Variants in FBXO47 observed in about 807,000 individuals in gnomAD.
FBXO47 encodes the protein F-box protein 47.
Under a neutral mutation model 53.9 loss-of-function variants are expected in FBXO47, and 34 were observed. The observed-to-expected ratio is 0.63, with a 90% CI of 0.48 to 0.84. FBXO47 has a LOEUF of 0.84. Among genes scored for constraint, FBXO47 ranks in the 40% least tolerant of loss-of-function variants. The pLI, the probability that FBXO47 is intolerant of heterozygous loss-of-function variation, is 0.00. For synonymous variants in FBXO47, 165 were observed against 181.6 expected (o/e 0.91, Z 0.73); for missense variants, 485 against 541.3 (o/e 0.90, Z 1.03).
In FBXO47 at chr17:38,938,696, C is replaced by G; in HGVS notation, c.1120G>C (p.Val374Leu). 1 of 1,612,644 alleles carries G rather than the reference C, an allele frequency of 6.2e-7. No individual in the cohort carries two copies. Among genetic ancestry groups the G allele is most frequent in the East Asian group, 2.2e-5 (1 of 44,856 alleles). The change falls in exon 10 of 11, where the codon GTT becomes CTT. Residue 374 changes from valine (V) to leucine (L), a missense_variant. Transcript: ENST00000378079. ...EKELYCMDWT[V>L]KMMQKVCKVF... ...TTGCAGACTTTTTGCATCATTTTAA[C>G]TGTCCAATCCATGCAGTACAGTTCT...
chr17:38,963,036 G>C lies in FBXO47; in HGVS notation c.-11C>G, dbSNP rs149385639. On this transcript the variant is annotated 5_prime_UTR_variant, in exon 2 of 11. Transcript: ENST00000378079. Reference sequence around the variant, plus strand: ...TATTCTGGATGCCATTCTTCTTCTTGTCTCACAAATTTATCCTGGTCAGAA... The same window carrying C: ...TATTCTGGATGCCATTCTTCTTCTTCTCTCACAAATTTATCCTGGTCAGAA... 0.011 allele frequency: 17,528 copies of C among 1,600,210 alleles called. 123 individuals carry two copies. Among genetic ancestry groups the C allele is most frequent in the Non-Finnish European group, 0.014 (15,877 of 1,169,640 alleles).
intron 6 of FBXO47, among the ~76,000 whole-genome samples, chr17:38,947,382 T>C (rs972478064): frequency 1.1e-4 from 16 of 152,002 alleles, no homozygotes; most frequent in African/African-American, 3.9e-4. Context: ...TGGAGTGCAG[T>C]GGCATGACTG....
intron 3 of FBXO47, 78 bp downstream of exon 3, chr17:38,961,799 C>A (rs1905824925): frequency 3.2e-6 from 4 of 1,255,428 alleles, no homozygotes; most frequent in Admixed American, 4.5e-5. Flanking sequence ...TTCCTACTGG[C>A]CTTACAGAAT....
At position 38,954,718 on chromosome 17, in the gene FBXO47, C is replaced by A. The variant is rs1905464364; in HGVS notation, c.507+138G>T. On this transcript the variant is annotated intron_variant, in intron 5 of 10. Transcript: ENST00000378079. ...GATAGCAAACACTATTAGATTAATACATTCTCAAATCTTTATTTTATTTTG... is the reference window on the plus strand; with the variant it reads ...GATAGCAAACACTATTAGATTAATAAATTCTCAAATCTTTATTTTATTTTG... 1.3e-5 allele frequency: 7 copies of A among 522,242 alleles called. No homozygotes were observed. In the East Asian group the frequency reaches 2.0e-4, roughly 15 times the overall value. The allele number at this position is 522,242 out of a possible 1,614,324, so 32.4% of individuals were successfully genotyped here. A position where few individuals can be genotyped will look rare whatever the true frequency, so the allele number is the denominator to read the frequency against.
intron 9 of FBXO47, 134 bp from the exon 10 acceptor site, chr17:38,938,866 A>G: frequency 1.5e-6 from 1 of 650,352 alleles, no homozygotes; most frequent in East Asian, 2.6e-5. Context: ...TACTGAGTCT[A>G]TACATGGGAA....
At chr17:38,952,895 C>T (rs544602317) in intron 5 of FBXO47, among the ~76,000 whole-genome samples, 38 of 144,106 alleles carry the variant, frequency 2.6e-4, no homozygotes, top group South Asian at 8.6e-4. Flanking sequence ...CTCAGGTGAT[C>T]GGCCTGCATC....
chr17:38,946,137 T>C (rs1337330455), intron 6 of FBXO47, among the ~76,000 whole-genome samples: 1 of 121,782 alleles, frequency 8.2e-6, no homozygotes, highest in Non-Finnish European at 1.6e-5. Flanking sequence ...TATACATATA[T>C]AAATATATAA....
chr17:38,954,408 C>T lies in FBXO47; in HGVS notation c.507+448G>A, dbSNP rs1449596305. Among the ~76,000 whole-genome samples, 3 of 152,120 alleles carry T rather than the reference C, an allele frequency of 2.0e-5. No homozygotes were observed. In the East Asian group the frequency reaches 5.8e-4, roughly 29 times the overall value. ...ATGAATAAACGCTAGTTATTATCTT[C>T]TTTGTTTACAATAAAAGATTAGTCA... On this transcript the variant is annotated intron_variant, in intron 5 of 10. Coordinates refer to ENST00000378079, the MANE Select transcript of FBXO47 (RefSeq NM_001008777.3).
intron 7 of FBXO47, among the ~76,000 whole-genome samples, 159 bp from the exon 8 acceptor site, chr17:38,943,895 G>C (rs1454034049): frequency 2.6e-5 from 4 of 152,142 alleles, no homozygotes; most frequent in African/African-American, 9.7e-5. Flanking sequence ...TAATAGTATA[G>C]ATTTGAACGT....
At chr17:38,939,293 CAAAAAAAAAAAAA>C (rs1218321299) in intron 9 of FBXO47, among the ~76,000 whole-genome samples, 1 of 34,862 alleles carries the variant, frequency 2.9e-5, no homozygotes, top group Non-Finnish European at 4.4e-5. Context: ...ACTCCATCTC[CAAAAAAAAAAAAA>C]AAAAAAAAAA....
intron 7 of FBXO47, among the ~76,000 whole-genome samples, chr17:38,944,225 G>GTGTGTGTGTT (rs1299474213): frequency 2.0e-5 from 3 of 149,706 alleles, no homozygotes; most frequent in Non-Finnish European, 4.4e-5. Flanking sequence ...GTGTGTGTGT[G>GTGTGTGTGTT]TGTGTGTGTA....
chr17:38,949,996 T>A lies in FBXO47; in HGVS notation c.616+1585A>T, dbSNP rs1441830422. On this transcript the variant is annotated intron_variant, in intron 6 of 10. Transcript: ENST00000378079. ...AATTCAATGGTTTATAGTATATTATTAAATTTCTTATATTGTGATAAAATA... is the reference window on the plus strand; with the variant it reads ...AATTCAATGGTTTATAGTATATTATAAAATTTCTTATATTGTGATAAAATA... Among the ~76,000 whole-genome samples, 3 of 152,342 alleles carry A rather than the reference T, an allele frequency of 2.0e-5. 1 individual carries two copies. Among genetic ancestry groups the A allele is most frequent in the African/African-American group, 7.2e-5 (3 of 41,582 alleles).
At chr17:38,949,476 A>C (rs1224122207) in intron 6 of FBXO47, among the ~76,000 whole-genome samples, 1 of 151,778 alleles carries the variant, frequency 6.6e-6, no homozygotes, top group African/African-American at 2.4e-5. Flanking sequence ...ACAACAACAA[A>C]ACCATTCATG....
Position 38,945,054 on chromosome 17 carries a change from A to G in FBXO47, c.699T>C (p.Ser233=), listed in dbSNP as rs748156235. 1.2e-6 allele frequency: 2 copies of G among 1,613,964 alleles called. No individual in the cohort carries two copies. The highest frequency in any genetic ancestry group is 1.3e-5 in the African/African-American group (1 of 74,922). ...LLDHWTHRSD[S]AFWLTRILKP... is the part of the protein sequence containing the mutation. ...TTAATATTCGCGTCAACCAAAAAGC[A>G]GAATCACTTCGATGTGTCCAATGAT... The change falls in exon 7 of 11, where the codon TCT becomes TCC. Residue 233 remains serine (S), a synonymous_variant. Transcript: ENST00000378079.
At position 38,962,873 on chromosome 17, in the gene FBXO47, T is replaced by C. The variant is rs1282107292; in HGVS notation, c.153A>G (p.Ile51Met). ...ACAAATATTTTAAAATTATCTGGAA[T>C]ATTTCCAATGGTAAGGCTTTAAAAT... Reference protein sequence around the residue: ...FGNFKALPLEIFQIILKYLSV... With the variant: ...FGNFKALPLEMFQIILKYLSV... Residue 51 changes from isoleucine (I) to methionine (M), a missense_variant, in exon 2 of 11, where the codon ATA (isoleucine) becomes ATG (methionine). Transcript: ENST00000378079. 6.2e-7 allele frequency: 1 copy of C among 1,612,394 alleles called. No homozygotes were observed. The highest frequency in any genetic ancestry group is 8.5e-7 in the Non-Finnish European group (1 of 1,179,192).
chr17:38,945,948 A>AAAAAAT (rs1184511532), intron 6 of FBXO47, among the ~76,000 whole-genome samples: 1 of 117,158 alleles, frequency 8.5e-6, no homozygotes, highest in African/African-American at 3.5e-5. Context: ...AAAAAAAAAA[A>AAAAAAT]ATATATATAT....
intron 6 of FBXO47, among the ~76,000 whole-genome samples, chr17:38,951,298 G>C (rs950975851): frequency 2.0e-5 from 3 of 151,452 alleles, no homozygotes; most frequent in African/African-American, 7.3e-5. Flanking sequence ...AGGGTCAAGT[G>C]ATCCTTTCAC....
chr17:38,946,289 TATATAAAAATATATATAA>T (rs1176758539), intron 6 of FBXO47, among the ~76,000 whole-genome samples: 193 of 98,520 alleles, frequency 2.0e-3, no homozygotes, highest in Non-Finnish European at 3.1e-3. Context: ...TATATATAAA[TATATAAAAATATATATAA>T]ATATATAAAT....
chr17:38,961,895 C>T lies in FBXO47; in HGVS notation c.334G>A (p.Glu112Lys), dbSNP rs199842302. ...PDRRQDSAIL[E>K]HYRSLGLLFK... ...AAGTTACCTAGAGATCTGTAGTGCT[C>T]CAGTATAGCAGAGTCTTGTCTCCTG... The change falls in exon 3 of 11, where the codon GAG becomes AAG. Residue 112 changes from glutamate to lysine, a missense_variant. Transcript: ENST00000378079. 4.3e-6 allele frequency: 7 copies of T among 1,613,670 alleles called. No homozygotes were observed. The East Asian group carries it at 1.1e-4, about 26-fold the overall frequency.
Sources: gnomAD v4.1 joint callset for allele counts (sites outside exome capture counted in the v4.1 genomes callset) on GRCh38, gnomAD v4.1.1 for gene constraint, MANE v1.5 for transcripts, NCBI Gene and HGNC (gene_info 2026-07-23, HGNC 2026-07-21) for gene names.